Variants in TRIO observed in about 807,000 individuals in gnomAD.
TRIO encodes trio Rho guanine nucleotide exchange factor.
TRIO carries 58 observed loss-of-function variants against 351.9 expected under a neutral mutation model. That is an observed-to-expected ratio of 0.16 (90% confidence interval 0.13 to 0.21). The LOEUF is 0.21. Among genes scored for constraint, TRIO ranks in the 10% least tolerant of loss-of-function variants. TRIO has a pLI of 1.00. For synonymous variants in TRIO, 1,758 were observed against 1,595.7 expected, an observed-to-expected ratio of 1.10 and a Z score of -2.42; for missense variants, 3,201 against 4,027.8, an observed-to-expected ratio of 0.79 and a Z score of 5.56.
intron 34 of TRIO, among the ~76,000 whole-genome samples, chr5:14,458,386 C>G (rs1753525852): frequency 6.6e-6 from 1 of 152,160 alleles, no homozygotes; most frequent in South Asian, 2.1e-4. Context: ...TTCTCCTGAC[C>G]CAGTGCCTAG....
At chr5:14,294,392 C>A (rs1040017082) in intron 6 of TRIO, among the ~76,000 whole-genome samples, 4 of 152,090 alleles carry the variant, frequency 2.6e-5, no homozygotes, top group African/African-American at 9.7e-5. Context: ...ATTTCTGGTT[C>A]GAATCGTCAA....
At chr5:14,274,622 T>C (rs982450797) in intron 2 of TRIO, among the ~76,000 whole-genome samples, 3 of 152,182 alleles carry the variant, frequency 2.0e-5, no homozygotes, top group African/African-American at 7.2e-5. Flanking sequence ...TTGATTGTCC[T>C]GAGAAAGAGT....
Position 14,225,801 on chromosome 5 carries a change from C to CT in TRIO, c.158-45024_158-45023insT, listed in dbSNP as rs1027979140. 1.4e-4 allele frequency among the ~76,000 whole-genome samples: 19 copies of CT among 137,988 alleles called. 1 individual carries two copies. Among genetic ancestry groups the CT allele is most frequent in the African/African-American group, 2.4e-4 (8 of 33,338 alleles). 90.5% of individuals were successfully genotyped at this position (137,988 alleles called of 152,430 possible). A position where few individuals can be genotyped will look rare whatever the true frequency, so the allele number is the denominator to read the frequency against. ...CATATTCACTGCTCCCACCCCCCCC[C>CT]CCACCTCCAAGCCCAAAAGGATGAT... On this transcript the variant is annotated intron_variant, in intron 1 of 56. Coordinates refer to ENST00000344204, the MANE Select transcript of TRIO (RefSeq NM_007118.4).
intron 37 of TRIO, 115 bp downstream of exon 37, chr5:14,465,755 T>C (rs1238816567): frequency 1.7e-6 from 2 of 1,185,848 alleles, no homozygotes; most frequent in Non-Finnish European, 2.4e-6. Flanking sequence ...CTGTGGCTTA[T>C]GGCACATCTC....
At position 14,487,597 on chromosome 5, in the gene TRIO, C is replaced by G. The variant is rs760161985; in HGVS notation, c.6969C>G (p.Gly2323=). The change falls in exon 48 of 57, where the codon GGC becomes GGG. Residue 2323 remains glycine, a synonymous_variant. Coordinates refer to ENST00000344204, the MANE Select transcript of TRIO (RefSeq NM_007118.4). ...APSGGSGHSG[G]PSSCGGAPST... ...GTGGCGGCAGCGGCCACAGTGGCGG[C>G]CCCAGCAGCTGCGGCGGCGCCCCCA... 8.6e-7 allele frequency: 1 copy of G among 1,161,576 alleles called. No individual in the cohort carries two copies. The highest frequency in any genetic ancestry group is 4.1e-5 in the South Asian group (1 of 24,386). The allele number at this position is 1,161,576 out of a possible 1,614,324, so 72.0% of individuals were successfully genotyped here.
chr5:14,207,363 G>C (rs138401630), intron 1 of TRIO, among the ~76,000 whole-genome samples: 3 of 40,988 alleles, frequency 7.3e-5, no homozygotes, highest in Admixed American at 3.1e-4. Flanking sequence ...CACACACACA[G>C]AGCCAGGTAG....
intron 1 of TRIO, among the ~76,000 whole-genome samples, chr5:14,264,837 C>T (rs761048452): frequency 3.3e-5 from 5 of 152,150 alleles, no homozygotes; most frequent in Non-Finnish European, 7.3e-5. Context: ...GCTTGCGGAG[C>T]GAGGGCGGTG....
chr5:14,462,983 C>T (rs997244304), intron 36 of TRIO, 58 bp downstream of exon 36: 15 of 1,487,226 alleles, frequency 1.0e-5, no homozygotes, highest in Admixed American at 5.0e-5. Flanking sequence ...AGGGCACGCT[C>T]GGTAGCTGCT....
rs1755825968 is a variant in TRIO, at chr5:14,485,138, G to A, written c.6727G>A (p.Gly2243Ser). 2.5e-6 allele frequency: 4 copies of A among 1,591,368 alleles called. No individual in the cohort carries two copies. The highest frequency in any genetic ancestry group is 1.3e-5 in the African/African-American group (1 of 74,606). Residue 2243 changes from glycine to serine, a missense_variant, in exon 47 of 57, where the codon GGT (glycine) becomes AGT (serine). Coordinates refer to ENST00000344204, the MANE Select transcript of TRIO (RefSeq NM_007118.4). ...TAAATTTGCTCTGACATCGAGGACG[G>A]GTGACGTGGTAGAGACCTTCATTTT... ...PCKFALTSRTGDVVETFILHS... is the reference protein window; with the variant it reads ...PCKFALTSRTSDVVETFILHS...
chr5:14,311,638 C>A (rs1001393991), intron 8 of TRIO, among the ~76,000 whole-genome samples: 2 of 152,162 alleles, frequency 1.3e-5, no homozygotes, highest in Non-Finnish European at 2.9e-5. Flanking sequence ...TACCTGCTGA[C>A]CCCTTTTCAT....
At position 14,201,182 on chromosome 5, in the gene TRIO, C is replaced by T. The variant is rs531243422; in HGVS notation, c.157+57300C>T. Among the ~76,000 whole-genome samples the T allele has an allele frequency of 3.9e-5, 6 of 152,208 alleles. No individual in the cohort carries two copies. The South Asian group carries it at 1.2e-3, about 32-fold the overall frequency. Reference sequence around the variant, plus strand: ...GGCTGAGGCAGGAGAATCGCTTGAACCCGGGAGGCAGAGGTTGCAGTGAGC... The same window carrying T: ...GGCTGAGGCAGGAGAATCGCTTGAATCCGGGAGGCAGAGGTTGCAGTGAGC... On this transcript the variant is annotated intron_variant, in intron 1 of 56. Transcript: ENST00000344204.
chr5:14,465,259 A>G (rs1754161886), intron 36 of TRIO, among the ~76,000 whole-genome samples: 1 of 152,108 alleles, frequency 6.6e-6, no homozygotes. Flanking sequence ...TCCCTTGCCT[A>G]GTCACCTCTT....
intron 8 of TRIO, among the ~76,000 whole-genome samples, chr5:14,309,094 A>AT (rs56016152): frequency 1 from 146,125 of 146,130 alleles, 73,060 homozygotes; most frequent in Middle Eastern, 1. Context: ...CCATCCACAC[A>AT]TTATCTACAC....
chr5:14,316,465 A>G, intron 8 of TRIO, 48 bp from the exon 9 acceptor site: 1 of 1,601,040 alleles, frequency 6.2e-7, no homozygotes, highest in Non-Finnish European at 8.5e-7. Flanking sequence ...GGCACAGCCT[A>G]GGCCAAACCT....
chr5:14,412,288 A>G (rs1749272016), intron 33 of TRIO, among the ~76,000 whole-genome samples: 1 of 152,156 alleles, frequency 6.6e-6, no homozygotes, highest in African/African-American at 2.4e-5. Context: ...ATGCCCGGCC[A>G]CGGTTCCGTG....
chr5:14,355,100 C>T (rs1743494434), intron 11 of TRIO, among the ~76,000 whole-genome samples: 1 of 152,214 alleles, frequency 6.6e-6, no homozygotes, highest in Admixed American at 6.5e-5. Context: ...AGTGAGTGGG[C>T]ACCCTCTGTG....
chr5:14,226,304 TC>T (rs1793024822), intron 1 of TRIO, among the ~76,000 whole-genome samples: 1 of 139,620 alleles, frequency 7.2e-6, no homozygotes, highest in Admixed American at 7.0e-5. Context: ...GAACTTCAAG[TC>T]CTTTTTTCTG....
At chr5:14,498,044 A>G (rs1395401005) in intron 51 of TRIO, 45 bp from the exon 52 acceptor site, 1 of 1,612,858 alleles carries the variant, frequency 6.2e-7, no homozygotes, top group African/African-American at 1.3e-5. Flanking sequence ...GGTGTGGAGG[A>G]GGAGCCAGGG....
At chr5:14,349,901 T>C (rs919540152) in intron 11 of TRIO, among the ~76,000 whole-genome samples, 3 of 152,210 alleles carry the variant, frequency 2.0e-5, no homozygotes, top group African/African-American at 7.2e-5. Flanking sequence ...AAGTAGGTCC[T>C]AGTGTCTGTT....
Sources: allele counts gnomAD v4.1 joint callset (sites outside exome capture counted in the v4.1 genomes callset), GRCh38; gene constraint gnomAD v4.1.1; transcripts MANE v1.5; gene names NCBI Gene and HGNC (gene_info 2026-07-23, HGNC 2026-07-21).